The following ATRNL1 variants were observed in gnomAD, a reference collection of about 807,000 sequenced individuals.
ATRNL1 encodes attractin-like protein 1.
In ATRNL1, 95 loss-of-function variants were observed where a neutral mutation model predicts 182.7. The observed-to-expected ratio is 0.52, with a 90% CI of 0.44 to 0.62. The LOEUF is 0.62. ATRNL1 is among the 20% of genes least tolerant of loss of function. The pLI is 0.00. For synonymous variants in ATRNL1, 576 were observed against 568.3 expected (o/e 1.01, Z -0.19); for missense variants, 1,471 against 1,679.5 (o/e 0.88, Z 2.17).
At chr10:115,524,526 T>C (rs1592783933) in intron 25 of ATRNL1, among the ~76,000 whole-genome samples, 1 of 152,350 alleles carries the variant, frequency 6.6e-6, no homozygotes, top group Admixed American at 6.5e-5. Flanking sequence ...TATCCCTGTG[T>C]TAGACTTTTA....
intron 28 of ATRNL1, among the ~76,000 whole-genome samples, chr10:115,854,743 A>G (rs371281125): frequency 3.9e-5 from 6 of 152,258 alleles, no homozygotes; most frequent in South Asian, 2.1e-4. Flanking sequence ...GAAACCTTCA[A>G]ATTAGCCTGT....
chr10:115,905,175 G>A (rs1952464118), intron 28 of ATRNL1, among the ~76,000 whole-genome samples: 1 of 152,148 alleles, frequency 6.6e-6, no homozygotes, highest in East Asian at 1.9e-4. Context: ...AGCAGAGATT[G>A]AGTGCTAAGT....
chr10:115,381,647 T>C (rs1191177077), intron 19 of ATRNL1, among the ~76,000 whole-genome samples: 1 of 151,974 alleles, frequency 6.6e-6, no homozygotes, highest in Non-Finnish European at 1.5e-5. Context: ...AAAAATTTTA[T>C]TCCATTCTTT....
chr10:115,170,636 A>G (rs1446987630), intron 7 of ATRNL1, among the ~76,000 whole-genome samples: 2 of 152,090 alleles, frequency 1.3e-5, no homozygotes, highest in African/African-American at 4.8e-5. Context: ...ATCTTCAGTT[A>G]TATGGGAGGA....
chr10:115,428,223 T>C (rs1347914274), intron 21 of ATRNL1, among the ~76,000 whole-genome samples: 1 of 152,126 alleles, frequency 6.6e-6, no homozygotes, highest in Admixed American at 6.5e-5. Context: ...GTTTCTGGCA[T>C]TTATAATTGA....
At chr10:115,902,968 T>C (rs1007297219) in intron 28 of ATRNL1, among the ~76,000 whole-genome samples, 1 of 152,212 alleles carries the variant, frequency 6.6e-6, no homozygotes, top group Non-Finnish European at 1.5e-5. Flanking sequence ...TTTTGACACA[T>C]CTTTCCAGAA....
chr10:115,912,729 T>C (rs1483115749), intron 28 of ATRNL1, among the ~76,000 whole-genome samples: 6 of 152,206 alleles, frequency 3.9e-5, no homozygotes, highest in Admixed American at 2.6e-4. Context: ...CTCTGTGCTG[T>C]ATCATAATAA....
At chr10:115,322,318 TTATTA>T (rs1330721511) in intron 18 of ATRNL1, among the ~76,000 whole-genome samples, 12 of 151,956 alleles carry the variant, frequency 7.9e-5, no homozygotes, top group Non-Finnish European at 1.3e-4. Flanking sequence ...GTTATAGCTT[TTATTA>T]TATTAATCTT....
chr10:115,407,792 T>G (rs1482686385), intron 20 of ATRNL1, among the ~76,000 whole-genome samples: 3 of 152,128 alleles, frequency 2.0e-5, no homozygotes, highest in African/African-American at 4.8e-5. Context: ...ATTTTTAGTA[T>G]TTTGAGAAAT....
chr10:115,533,167 A>T (rs1489564019), intron 25 of ATRNL1, among the ~76,000 whole-genome samples: 1 of 152,072 alleles, frequency 6.6e-6, no homozygotes, highest in African/African-American at 2.4e-5. Context: ...GAATAGTTTC[A>T]GAAGGAATGG....
chr10:115,810,474 C>A (rs1555086727), intron 27 of ATRNL1, among the ~76,000 whole-genome samples: 1 of 151,816 alleles, frequency 6.6e-6, no homozygotes, highest in African/African-American at 2.4e-5. Flanking sequence ...CATAAAAGAA[C>A]TTGATGGTTT....
chr10:115,181,696 A>G (rs1847751918), intron 8 of ATRNL1, among the ~76,000 whole-genome samples: 1 of 151,748 alleles, frequency 6.6e-6, no homozygotes, highest in Admixed American at 6.6e-5. Context: ...GAAGTTTTTT[A>G]GAAAGATGAT....
At chr10:115,114,904 C>A (rs1307566913) in intron 1 of ATRNL1, among the ~76,000 whole-genome samples, 2 of 152,006 alleles carry the variant, frequency 1.3e-5, no homozygotes, top group East Asian at 3.9e-4. Context: ...GAATTGGAAT[C>A]AGTATGTTGG....
At chr10:115,625,765 G>T (rs1348284093) in intron 26 of ATRNL1, among the ~76,000 whole-genome samples, 1 of 151,894 alleles carries the variant, frequency 6.6e-6, no homozygotes, top group Non-Finnish European at 1.5e-5. Flanking sequence ...CAAGAACCTA[G>T]AATTGGATGC....
At chr10:115,653,593 A>G (rs1801399226) in intron 26 of ATRNL1, among the ~76,000 whole-genome samples, 3 of 152,136 alleles carry the variant, frequency 2.0e-5, no homozygotes, top group South Asian at 4.1e-4. Context: ...CACTCTGGTT[A>G]TCATTGTTTT....
chr10:115,871,469 T>TA (rs1951579875), intron 28 of ATRNL1, among the ~76,000 whole-genome samples: 1 of 140,296 alleles, frequency 7.1e-6, no homozygotes, highest in African/African-American at 2.6e-5. Context: ...GTCAGATTCT[T>TA]TGTGTGTGTG....
intron 21 of ATRNL1, among the ~76,000 whole-genome samples, chr10:115,434,125 G>C (rs1231160290): frequency 6.6e-6 from 1 of 152,146 alleles, no homozygotes; most frequent in Non-Finnish European, 1.5e-5. Context: ...ATAAATCTCT[G>C]CATCATGTCC....
chr10:115,223,865 A>G (rs1849569241), intron 9 of ATRNL1, among the ~76,000 whole-genome samples: 1 of 143,460 alleles, frequency 7.0e-6, no homozygotes, highest in Non-Finnish European at 1.5e-5. Context: ...ATATTTATAT[A>G]TAACATATGT....
At chr10:115,298,752 A>G (rs1475931095) in intron 15 of ATRNL1, among the ~76,000 whole-genome samples, 1 of 152,130 alleles carries the variant, frequency 6.6e-6, no homozygotes, top group African/African-American at 2.4e-5. Flanking sequence ...TGATGATGGA[A>G]GATAACAATT....
Sources: allele counts gnomAD v4.1 joint callset (sites outside exome capture counted in the v4.1 genomes callset), GRCh38; gene constraint gnomAD v4.1.1; transcripts MANE v1.5; gene names NCBI Gene and HGNC (gene_info 2026-07-23, HGNC 2026-07-21).